The following TRAF3IP1 variants were observed in gnomAD, a reference collection of about 807,000 sequenced individuals.
The protein encoded by TRAF3IP1 is intraflagellar transport 54.
A neutral mutation model predicts 89.9 loss-of-function variants in TRAF3IP1; 53 were observed. That is an observed-to-expected ratio of 0.59 (90% CI 0.47 to 0.74). The LOEUF is 0.74. TRAF3IP1 is among the 30% of genes least tolerant of loss of function. The probability of loss-of-function intolerance (pLI) is 0.00; values close to 1 mark genes in which losing one functional copy is unlikely to be tolerated. For missense variants in TRAF3IP1, 806 were observed against 866.1 expected, an observed-to-expected ratio of 0.93 and a Z score of 0.87; for synonymous variants, 311 against 322.1, an observed-to-expected ratio of 0.97 and a Z score of 0.37.
At chr2:238,333,228 C>T (rs1429096150) in intron 6 of TRAF3IP1, among the ~76,000 whole-genome samples, 2 of 152,042 alleles carry the variant, frequency 1.3e-5, no homozygotes, top group Admixed American at 6.6e-5. Flanking sequence ...AAGAGGCAGG[C>T]GTAAGTCACC....
At chr2:238,331,572 G>A (rs562563957) in intron 5 of TRAF3IP1, among the ~76,000 whole-genome samples, 1 of 152,336 alleles carries the variant, frequency 6.6e-6, no homozygotes, top group South Asian at 2.1e-4. Flanking sequence ...AAGCGTCTGA[G>A]ACCATGGCGA....
rs193279127 is a variant in TRAF3IP1, at chr2:238,379,260, C to G, written c.1690-18199C>G. Among the ~76,000 whole-genome samples, 3 of 152,328 alleles carry G rather than the reference C, an allele frequency of 2.0e-5. No individual in the cohort carries two copies. The highest frequency in any genetic ancestry group is 2.9e-5 in the Non-Finnish European group (2 of 68,036). ...TCTTCAGAGAGGCCTTTCCTGTCCA[C>G]CTAGCTGTGTGGGGCCTCAGCCGCA... is the stretch of plus-strand genomic sequence containing the variant. On this transcript the variant is annotated intron_variant, in intron 15 of 16. Transcript: ENST00000373327. This position sits in a 1 kb window ranked among gnomAD's most constrained non-coding sequence, Gnocchi z 4.0.
intron 7 of TRAF3IP1, among the ~76,000 whole-genome samples, chr2:238,334,963 A>G (rs865908873): frequency 6.6e-6 from 1 of 152,202 alleles, no homozygotes; most frequent in East Asian, 1.9e-4. Context: ...AAAAACGTTG[A>G]TGACCAGTGA....
chr2:238,365,373 A>G (rs1699830097), intron 15 of TRAF3IP1, among the ~76,000 whole-genome samples: 1 of 152,218 alleles, frequency 6.6e-6, no homozygotes, highest in African/African-American at 2.4e-5. Context: ...TTAAAGAAAT[A>G]AAAATGGGCC....
intron 3 of TRAF3IP1, 68 bp downstream of exon 3, chr2:238,326,038 A>G: frequency 1.3e-6 from 2 of 1,526,052 alleles, no homozygotes; most frequent in Non-Finnish European, 1.8e-6. Context: ...GGGGTGAGGG[A>G]CTCACATGTG....
intron 15 of TRAF3IP1, among the ~76,000 whole-genome samples, chr2:238,378,804 C>A (rs575136376): frequency 6.6e-6 from 1 of 152,102 alleles, no homozygotes; most frequent in Admixed American, 6.5e-5. Context: ...GACCCCCCCC[C>A]AGGCCCCAGG....
At position 238,390,465 on chromosome 2, in the gene TRAF3IP1, G is replaced by GT. The variant is rs111243323; in HGVS notation, c.1690-6993dup. On this transcript the variant is annotated intron_variant, in intron 15 of 16. Coordinates refer to ENST00000373327, the MANE Select transcript of TRAF3IP1 (RefSeq NM_015650.4). ...CCTGGACATGACAGCTTGTTAGGTG[G>GT]TGCTGATAATATCTATAAATACTTT... Among the ~76,000 whole-genome samples, 794 of 152,228 alleles carry GT rather than the reference G, an allele frequency of 5.2e-3. 9 individuals carry two copies. Among genetic ancestry groups the GT allele is most frequent in the African/African-American group, 0.018 (764 of 41,506 alleles).
rs1199219595 is a variant in TRAF3IP1 at position 238,351,076 on chromosome 2, G to C, written c.1451+1668G>C. On this transcript the variant is annotated intron_variant, in intron 12 of 16. Coordinates refer to ENST00000373327, the MANE Select transcript of TRAF3IP1 (RefSeq NM_015650.4). This position sits in a 1 kb window ranked among gnomAD's most constrained non-coding sequence, Gnocchi z 5.2. ...CCTAGGGCGGTGAGCTGGGAATATA[G>C]ATAGTGGTGGTAAAGGAGTGGGGCG... 6.6e-6 allele frequency among the ~76,000 whole-genome samples: 1 copy of C among 152,120 alleles called. No homozygotes were observed. The highest frequency in any genetic ancestry group is 1.5e-5 in the Non-Finnish European group (1 of 68,020).
At chr2:238,340,426 G>T (rs1156652298) in intron 8 of TRAF3IP1, among the ~76,000 whole-genome samples, 1 of 152,170 alleles carries the variant, frequency 6.6e-6, no homozygotes, top group Non-Finnish European at 1.5e-5. Context: ...TGAGCCCTGT[G>T]CCCATAGCCT....
At chr2:238,389,924 T>C (rs2106376249) in intron 15 of TRAF3IP1, among the ~76,000 whole-genome samples, 1 of 152,214 alleles carries the variant, frequency 6.6e-6, no homozygotes, top group African/African-American at 2.4e-5. Flanking sequence ...GACAAGTGTG[T>C]GTGTGGTAAA....
chr2:238,340,731 A>C (rs1013980136), intron 8 of TRAF3IP1, among the ~76,000 whole-genome samples: 3 of 152,204 alleles, frequency 2.0e-5, no homozygotes, highest in Non-Finnish European at 4.4e-5. Context: ...AAGTAGAAAG[A>C]ATAGTACAAC....
At chr2:238,333,788 A>G (rs1428450112) in intron 6 of TRAF3IP1, among the ~76,000 whole-genome samples, 172 bp from the exon 7 acceptor site, 4 of 152,180 alleles carry the variant, frequency 2.6e-5, no homozygotes, top group Non-Finnish European at 5.9e-5. Flanking sequence ...CCTCCGTGTA[A>G]TTCACAGTCT....
At chr2:238,387,995 G>C (rs1700842980) in intron 15 of TRAF3IP1, among the ~76,000 whole-genome samples, 1 of 152,150 alleles carries the variant, frequency 6.6e-6, no homozygotes. Context: ...TGAGATGGAA[G>C]GATTATTAAG....
intron 15 of TRAF3IP1, among the ~76,000 whole-genome samples, chr2:238,359,798 T>A (rs1699582193): frequency 6.6e-6 from 1 of 152,220 alleles, no homozygotes; most frequent in South Asian, 2.1e-4. Flanking sequence ...TGCCTGAGAC[T>A]GTGGATAGTA....
intron 8 of TRAF3IP1, among the ~76,000 whole-genome samples, chr2:238,342,512 TG>T (rs1698708142): frequency 6.6e-6 from 1 of 152,188 alleles, no homozygotes; most frequent in Admixed American, 6.5e-5. Context: ...AAAGTGTCAT[TG>T]GTCTCTGAAC....
intron 15 of TRAF3IP1, among the ~76,000 whole-genome samples, chr2:238,360,829 G>A (rs1442495626): frequency 6.6e-6 from 1 of 152,028 alleles, no homozygotes; most frequent in East Asian, 1.9e-4. Context: ...GCAGTGAGCC[G>A]AGATTGCGCC....
intron 15 of TRAF3IP1, 127 bp from the exon 16 acceptor site, chr2:238,397,332 C>T: frequency 2.6e-6 from 2 of 760,600 alleles, no homozygotes; most frequent in Non-Finnish European, 4.4e-6. Context: ...GTGAGTGTCC[C>T]ACAACCAGCA....
At chr2:238,382,310 C>T (rs1262563607) in intron 15 of TRAF3IP1, among the ~76,000 whole-genome samples, 1 of 152,144 alleles carries the variant, frequency 6.6e-6, no homozygotes, top group Non-Finnish European at 1.5e-5. Context: ...TACTGAGACA[C>T]ATCCTGGTGG....
At chr2:238,330,054 G>A (rs1363404404) in intron 5 of TRAF3IP1, among the ~76,000 whole-genome samples, 2 of 152,124 alleles carry the variant, frequency 1.3e-5, no homozygotes, top group Non-Finnish European at 1.5e-5. Flanking sequence ...TGCTTCTCCC[G>A]TGCGTGTCGT....
Sources: gnomAD v4.1 joint callset for allele counts (sites outside exome capture counted in the v4.1 genomes callset) on GRCh38, gnomAD v4.1.1 for gene constraint, Gnocchi (gnomAD v3.1) non-coding constraint, MANE v1.5 for transcripts, NCBI Gene and HGNC (gene_info 2026-07-23, HGNC 2026-07-21) for gene names.